The following SESN3 variants were observed in gnomAD, a reference collection of about 807,000 sequenced individuals.
SESN3 encodes sestrin 3.
In SESN3, 21 loss-of-function variants were observed where a neutral mutation model predicts 55.3. The ratio of observed to expected loss-of-function variants is 0.38; its 90% CI spans 0.27 to 0.55. SESN3 has a LOEUF of 0.55. Among genes scored for constraint, SESN3 ranks in the 20% least tolerant of loss-of-function variants. The pLI, the probability that SESN3 is intolerant of heterozygous loss-of-function variation, is 0.76. For missense variants in SESN3, 408 were observed against 604.3 expected, an observed-to-expected ratio of 0.68 and a Z score of 3.41; for synonymous variants, 181 against 203.1, an observed-to-expected ratio of 0.89 and a Z score of 0.93.
chr11:95,171,061 C>A lies in SESN3; in HGVS notation c.*2194G>T, dbSNP rs563183133. 1 of 152,186 alleles carries A rather than the reference C, an allele frequency of 6.6e-6. No individual in the cohort carries two copies. The highest frequency in any genetic ancestry group is 2.1e-4 in the South Asian group (1 of 4,820). The allele number at this position is 152,186 out of a possible 1,614,324, so 9.4% of individuals were successfully genotyped here. The stretch of plus-strand genomic sequence containing the variant: ...CTCCTCCTTTTCAATACATACAAAT[C>A]ATTTTTTATCCTGTTATACAGTTCG... On this transcript the variant is annotated 3_prime_UTR_variant, in exon 10 of 10. Coordinates refer to ENST00000536441, the MANE Select transcript of SESN3 (RefSeq NM_144665.4).
At chr11:95,191,783 C>G (rs1860274192) in intron 2 of SESN3, among the ~76,000 whole-genome samples, 182 bp from the exon 3 acceptor site, 1 of 152,016 alleles carries the variant, frequency 6.6e-6, no homozygotes, top group East Asian at 1.9e-4. Context: ...ATTTTTGGCT[C>G]TGGTACCACA....
rs1409895890 is a variant in SESN3, at chr11:95,165,625, T to C, written c.*7630A>G. ...TAAATTTCTGCAAGTATAAATGTGA[T>C]ACAGTTTAACAAAACCCATTGTTCT... On this transcript the variant is annotated 3_prime_UTR_variant, in exon 10 of 10. Coordinates refer to ENST00000536441, the MANE Select transcript of SESN3 (RefSeq NM_144665.4). 1 of 152,196 alleles carries C rather than the reference T, an allele frequency of 6.6e-6. No individual in the cohort carries two copies. Among genetic ancestry groups the C allele is most frequent in the Non-Finnish European group, 1.5e-5 (1 of 68,022 alleles). 9.4% of individuals were successfully genotyped at this position (152,196 alleles called of 1,614,324 possible).
intron 1 of SESN3, among the ~76,000 whole-genome samples, chr11:95,197,430 GCTTC>G: frequency 6.7e-6 from 1 of 148,750 alleles, no homozygotes; most frequent in East Asian, 2.0e-4. Context: ...TTCTTTTTGG[GCTTC>G]CTTTTCTTTT....
Position 95,230,808 on chromosome 11 carries a change from G to A in SESN3, c.53C>T (p.Thr18Ile). Reference sequence around the variant, plus strand: ...CTTCCGCAGCACTTTCCGGCAGTTGGTACAGAGCAGGTAGTTGGCGGCGGC... The same window carrying A: ...CTTCCGCAGCACTTTCCGGCAGTTGATACAGAGCAGGTAGTTGGCGGCGGC... ...PSAAANYLLC[T>I]NCRKVLRKDK... Residue 18 changes from threonine (T) to isoleucine (I), a missense_variant, in exon 1 of 10, where the codon ACC becomes ATC. Thr to Ile is a moderately conservative substitution (Grantham distance 89). Around this residue, in one of 4 missense-constraint regions of SESN3, gnomAD observed 61 missense variants for 48.3 expected, o/e 1.26. Transcript: ENST00000536441. The surrounding 1 kb of genome is among the most constrained non-coding windows in gnomAD (Gnocchi z 4.6). 4 of 1,600,170 alleles carry A rather than the reference G, an allele frequency of 2.5e-6. No homozygotes were observed. Among genetic ancestry groups the A allele is most frequent in the Non-Finnish European group, 2.6e-6 (3 of 1,174,120 alleles).
intron 1 of SESN3, among the ~76,000 whole-genome samples, chr11:95,217,648 G>GC (rs1860784470): frequency 3.9e-5 from 1 of 25,568 alleles, no homozygotes; most frequent in South Asian, 2.8e-3. Flanking sequence ...GCCAGACTCC[G>GC]TTTAAAAAAA....
chr11:95,178,814 T>A lies in SESN3; in HGVS notation c.952A>T (p.Met318Leu). The A allele has an allele frequency of 6.3e-7, 1 of 1,595,354 alleles. No homozygotes were observed. The highest frequency in any genetic ancestry group is 1.3e-5 in the African/African-American group (1 of 74,666). Residue 318 changes from methionine to leucine, a missense_variant, in exon 7 of 10, where the codon ATG (methionine) becomes TTG (leucine). Met to Leu is a conservative substitution (Grantham distance 15, BLOSUM62 2). This residue lies in a region of SESN3 where 119 missense variants were observed against 139.9 expected (regional missense o/e 0.85). Transcript: ENST00000536441. ...CGAGAGACATCAGATGTTATAATCA[T>A]GTCATCCTCAAAATCTAAGGACAAT... ...SFPHSDFEDDMIITSDVSRYI... is the reference protein window; with the variant it reads ...SFPHSDFEDDLIITSDVSRYI...
rs538258096 is a variant in SESN3, at chr11:95,230,146, C to T, written c.78+637G>A. The T allele has an allele frequency of 6.6e-6, 1 of 152,472 alleles. No individual in the cohort carries two copies. Among genetic ancestry groups the T allele is most frequent in the South Asian group, 2.1e-4 (1 of 4,860 alleles). The allele number at this position is 152,472 out of a possible 1,614,324, so 9.4% of individuals were successfully genotyped here. A position where few individuals can be genotyped will look rare whatever the true frequency, so the allele number is the denominator to read the frequency against. ...CCCACATCCACCTCAGTCTTCTCCT[C>T]CCCCAACCCCAGCCTCAGGAACTGG... On this transcript the variant is annotated intron_variant, in intron 1 of 9. Transcript: ENST00000536441. This position sits in a 1 kb window ranked among gnomAD's most constrained non-coding sequence, Gnocchi z 4.6.
At chr11:95,173,511 T>C (rs1859894337) in intron 9 of SESN3, among the ~76,000 whole-genome samples, 170 bp from the exon 10 acceptor site, 1 of 152,186 alleles carries the variant, frequency 6.6e-6, no homozygotes. Flanking sequence ...GTCTAATGGC[T>C]CTGCAAGCAG....
chr11:95,208,473 T>C (rs1264462341), intron 1 of SESN3, among the ~76,000 whole-genome samples: 1 of 151,564 alleles, frequency 6.6e-6, no homozygotes, highest in Non-Finnish European at 1.5e-5. Flanking sequence ...GTGCGAAATG[T>C]GTTTATAACT....
chr11:95,178,057 C>T (rs1735257168), intron 7 of SESN3, 148 bp from the exon 8 acceptor site: 1 of 598,874 alleles, frequency 1.7e-6, no homozygotes, highest in South Asian at 2.2e-5. Context: ...TACCAATAAC[C>T]CTTCACATCA....
Position 95,174,575 on chromosome 11 carries a change from C to G in SESN3, c.1392+923G>C, listed in dbSNP as rs982017916. On this transcript the variant is annotated intron_variant, in intron 9 of 9. Coordinates refer to ENST00000536441, the MANE Select transcript of SESN3 (RefSeq NM_144665.4). ...CTCGGCTCACTGCAACCTCTGCCTC[C>G]TGGGTTCAAGCGATTCTCCTGCCTC... Among the ~76,000 whole-genome samples the G allele has an allele frequency of 3.9e-5, 6 of 152,072 alleles. No homozygotes were observed. In the South Asian group the frequency reaches 6.2e-4, roughly 16 times the overall value.
intron 6 of SESN3, among the ~76,000 whole-genome samples, chr11:95,182,733 C>G (rs1337361064): frequency 6.6e-6 from 1 of 152,172 alleles, no homozygotes; most frequent in Non-Finnish European, 1.5e-5. Context: ...AAGATCCTTA[C>G]AGTAGGGACT....
intron 4 of SESN3, among the ~76,000 whole-genome samples, chr11:95,188,156 C>T (rs557084383): frequency 6.6e-6 from 1 of 151,818 alleles, no homozygotes; most frequent in South Asian, 2.1e-4. Flanking sequence ...TAATGATTCT[C>T]GATTCTCTAT....
chr11:95,178,013 AT>A, intron 7 of SESN3, 104 bp from the exon 8 acceptor site: 1 of 779,410 alleles, frequency 1.3e-6, no homozygotes, highest in Non-Finnish European at 2.0e-6. Flanking sequence ...GCTATTTCTA[AT>A]TTAGCTCTAG....
At position 95,177,808 on chromosome 11, in the gene SESN3, T is replaced by C; in HGVS notation, c.1158A>G (p.Thr386=). 1 of 1,608,688 alleles carries C rather than the reference T, an allele frequency of 6.2e-7. No homozygotes were observed. The highest frequency in any genetic ancestry group is 8.5e-7 in the Non-Finnish European group (1 of 1,178,414). ...CCTCATGGGTGGCCATAGTGTTATA[T>C]GTGAGATTGTAGACCATCCGAAACT... The part of the protein sequence containing the change: ...DEKFRMVYNL[T]YNTMATHEDV... Residue 386 remains threonine, a synonymous_variant, in exon 8 of 10, where the codon ACA becomes ACG. Transcript: ENST00000536441.
At chr11:95,219,047 A>G (rs1480862460) in intron 1 of SESN3, among the ~76,000 whole-genome samples, 2 of 152,248 alleles carry the variant, frequency 1.3e-5, no homozygotes, top group Admixed American at 6.5e-5. Flanking sequence ...TGAGTGTTCA[A>G]TAATGCACTT....
chr11:95,187,656 C>G (rs1358379314), intron 4 of SESN3, among the ~76,000 whole-genome samples: 1 of 151,880 alleles, frequency 6.6e-6, no homozygotes, highest in East Asian at 1.9e-4. Context: ...AGATCTTTCT[C>G]TATTGCTGTA....
rs1405229103 is a variant in SESN3 at position 95,170,613 on chromosome 11, C to T, written c.*2642G>A. The T allele has an allele frequency of 1.3e-5, 2 of 152,096 alleles. No homozygotes were observed. Among genetic ancestry groups the T allele is most frequent in the African/African-American group, 4.8e-5 (2 of 41,418 alleles). The allele number at this position is 152,096 out of a possible 1,614,324, so 9.4% of individuals were successfully genotyped here. A position where few individuals can be genotyped will look rare whatever the true frequency, so the allele number is the denominator to read the frequency against. On this transcript the variant is annotated 3_prime_UTR_variant, in exon 10 of 10. Transcript: ENST00000536441. ...AATTCAATACTCTGAAAAAATACCA[C>T]CCTGGAAAACCGCATCAGAATTTCA...
chr11:95,210,339 G>A (rs143160251), intron 1 of SESN3, among the ~76,000 whole-genome samples: 166 of 152,252 alleles, frequency 1.1e-3, no homozygotes, highest in Admixed American at 2.0e-3. Flanking sequence ...TCTTGCACAT[G>A]TATCCCAGAA....
Sources: gnomAD v4.1 joint callset for allele counts (sites outside exome capture counted in the v4.1 genomes callset) on GRCh38, gnomAD v4.1.1 for gene constraint, gnomAD v4.1.1 regional missense constraint, Gnocchi (gnomAD v3.1) non-coding constraint, MANE v1.5 for transcripts, NCBI Gene and HGNC (gene_info 2026-07-23, HGNC 2026-07-21) for gene names.